RCN2: variants seen among roughly 807,000 people sequenced by gnomAD.
The protein encoded by RCN2 is reticulocalbin-2.
A neutral mutation model predicts 37.5 loss-of-function variants in RCN2; 23 were observed. That is an observed-to-expected ratio of 0.61 (90% confidence interval 0.44 to 0.87). The LOEUF (loss-of-function observed/expected upper bound fraction) is 0.87, where lower values mean the gene tolerates loss of function less well. Among genes scored for constraint, RCN2 ranks in the 40% least tolerant of loss-of-function variants. The pLI, the probability that RCN2 is intolerant of heterozygous loss-of-function variation, is 0.00. For missense variants in RCN2, 381 were observed against 390.4 expected, an observed-to-expected ratio of 0.98 and a Z score of 0.20; for synonymous variants, 140 against 144.6, an observed-to-expected ratio of 0.97 and a Z score of 0.23.
In RCN2 at chr15:76,932,430, A is replaced by G. The variant is rs2075228370; in HGVS notation, c.214A>G (p.Lys72Glu). 1 of 1,611,254 alleles carries G rather than the reference A, an allele frequency of 6.2e-7. No individual in the cohort carries two copies. The highest frequency in any genetic ancestry group is 1.1e-5 in the South Asian group (1 of 90,988). ...QQKRLQAIIK[K>E]IDLDSDGFLT... The stretch of plus-strand genomic sequence containing the variant: ...AAAAAGACTGCAGGCGATCATAAAG[A>G]AAATCGACTTGGACTCAGATGGCTT... Residue 72 changes from lysine (K) to glutamate (E), a missense_variant, in exon 2 of 7, where the codon AAA (lysine) becomes GAA (glutamate). Lys to Glu is a moderately conservative substitution (Grantham distance 56, BLOSUM62 1). Coordinates refer to ENST00000394885, the MANE Select transcript of RCN2 (RefSeq NM_002902.3).
At chr15:76,940,546 CTTTT>C (rs11463370) in intron 3 of RCN2, among the ~76,000 whole-genome samples, 10 of 119,648 alleles carry the variant, frequency 8.4e-5, no homozygotes, top group African/African-American at 2.4e-4. Flanking sequence ...TGAACTTCAC[CTTTT>C]TTTTTTTTTT....
intron 2 of RCN2, among the ~76,000 whole-genome samples, chr15:76,935,289 C>T (rs766484640): frequency 3.5e-4 from 53 of 152,246 alleles, no homozygotes; most frequent in Admixed American, 6.5e-5. Context: ...CACCACTGCA[C>T]ACTCCAGCAT....
intron 4 of RCN2, 109 bp downstream of exon 4, chr15:76,943,980 G>T: frequency 5.7e-5 from 15 of 264,824 alleles, no homozygotes; most frequent in East Asian, 7.2e-5. Flanking sequence ...TGGGATACAT[G>T]AGACTTTTTT....
chr15:76,948,472 A>G lies in RCN2; in HGVS notation c.721A>G (p.Lys241Glu). 6.2e-7 allele frequency: 1 copy of G among 1,610,760 alleles called. No individual in the cohort carries two copies. The change falls in exon 6 of 7, where the codon AAA becomes GAA. Residue 241 changes from lysine (K) to glutamate (E), a missense_variant. Lys to Glu is a moderately conservative substitution (Grantham distance 56). Coordinates refer to ENST00000394885, the MANE Select transcript of RCN2 (RefSeq NM_002902.3). ...AGACAGATTCGTGAATGATTATGAC[A>G]AAGATAACGATGGCAGGCTTGATCC... ...EKDRFVNDYDKDNDGRLDPQE... is the reference protein window; with the variant it reads ...EKDRFVNDYDEDNDGRLDPQE...
At position 76,934,056 on chromosome 15, in the gene RCN2, G is replaced by A. The variant is rs114547525; in HGVS notation, c.251-1470G>A. 5.9e-3 allele frequency among the ~76,000 whole-genome samples: 905 copies of A among 152,212 alleles called. 5 individuals carry two copies. Among genetic ancestry groups the A allele is most frequent in the African/African-American group, 0.021 (867 of 41,524 alleles). ...CATGTACAGAGGAACCTGATAAATG[G>A]TATACTCATGCTGTCCTCACAAATA... On this transcript the variant is annotated intron_variant, in intron 2 of 6. Transcript: ENST00000394885.
chr15:76,938,901 T>G, intron 3 of RCN2: 1 of 410,786 alleles, frequency 2.4e-6, no homozygotes, highest in South Asian at 1.7e-5. Flanking sequence ...GTGTGGTGGC[T>G]CACACCTGTA....
intron 4 of RCN2, 79 bp from the exon 5 acceptor site, chr15:76,947,342 G>C: frequency 1.2e-6 from 1 of 802,752 alleles, no homozygotes; most frequent in Non-Finnish European, 2.0e-6. Context: ...AAGAAGTTCT[G>C]TAGTAGAATT....
Position 76,952,841 on chromosome 15 carries a change from A to T in RCN2, c.*3619A>T, listed in dbSNP as rs535659789. The T allele has an allele frequency of 1.3e-5, 2 of 151,870 alleles. No individual in the cohort carries two copies. The highest frequency in any genetic ancestry group is 3.9e-4 in the East Asian group (2 of 5,164). 9.4% of individuals were successfully genotyped at this position (151,870 alleles called of 1,614,324 possible). ...ACCATGTTGGTCAAGCTGGTCTCGA[A>T]CTCCTGATCTCAGGTGATCCACCTG... is the stretch of plus-strand genomic sequence containing the variant. On this transcript the variant is annotated 3_prime_UTR_variant, in exon 7 of 7. Transcript: ENST00000394885.
chr15:76,953,433 C>G lies in RCN2; in HGVS notation c.*4211C>G, dbSNP rs888549632. ...TTTGATGGACACAGGTTGCTTCCAC[C>G]TTTTATTGTGAATAATGCTGCCATG... is the stretch of plus-strand genomic sequence containing the variant. On this transcript the variant is annotated 3_prime_UTR_variant, in exon 7 of 7. Transcript: ENST00000394885. 1 of 150,038 alleles carries G rather than the reference C, an allele frequency of 6.7e-6. No individual in the cohort carries two copies. The highest frequency in any genetic ancestry group is 6.6e-5 in the Admixed American group (1 of 15,072). The allele number at this position is 150,038 out of a possible 1,614,324, so 9.3% of individuals were successfully genotyped here.
chr15:76,948,781 T>C, intron 6 of RCN2: 1 of 529,692 alleles, frequency 1.9e-6, no homozygotes. Flanking sequence ...GAATAATAGT[T>C]TGTATTTACC....
intron 4 of RCN2, among the ~76,000 whole-genome samples, chr15:76,946,726 T>C (rs1165362332): frequency 6.6e-6 from 1 of 151,914 alleles, no homozygotes; most frequent in Non-Finnish European, 1.5e-5. Context: ...TACTCTAGCC[T>C]GGGCTACAGA....
chr15:76,953,660 T>A lies in RCN2; in HGVS notation c.*4438T>A, dbSNP rs1398613238. The A allele has an allele frequency of 7.9e-6, 1 of 127,076 alleles. No individual in the cohort carries two copies. The highest frequency in any genetic ancestry group is 1.6e-5 in the Non-Finnish European group (1 of 62,894). The allele number at this position is 127,076 out of a possible 1,614,324, so 7.9% of individuals were successfully genotyped here. On this transcript the variant is annotated 3_prime_UTR_variant, in exon 7 of 7. Transcript: ENST00000394885. ...TCTCGCTCTGTCGCCCAGGCTGGAG[T>A]GCAGTGGCGCGATCTCGGCTCACTG...
In RCN2 at chr15:76,950,470, G is replaced by C. The variant is rs938834023; in HGVS notation, c.*1248G>C. ...GGGGCACTATCTCGGCTCACTGCAA[G>C]CTCTGCCTCCTGGGTTCACGCCATT... is the stretch of plus-strand genomic sequence containing the variant. On this transcript the variant is annotated 3_prime_UTR_variant, in exon 7 of 7. Transcript: ENST00000394885. The C allele has an allele frequency of 6.8e-6, 1 of 147,124 alleles. No homozygotes were observed. The highest frequency in any genetic ancestry group is 2.5e-5 in the African/African-American group (1 of 39,590). The allele number at this position is 147,124 out of a possible 1,614,324, so 9.1% of individuals were successfully genotyped here.
intron 2 of RCN2, among the ~76,000 whole-genome samples, chr15:76,934,547 A>G (rs1020099376): frequency 1.3e-5 from 2 of 152,270 alleles, no homozygotes; most frequent in Non-Finnish European, 2.9e-5. Flanking sequence ...CAGGAAGGGC[A>G]TAAATTGCTA....
At chr15:76,943,315 C>G (rs78706622) in intron 3 of RCN2, 1 of 152,910 alleles carries the variant, frequency 6.5e-6, no homozygotes, top group Non-Finnish European at 1.5e-5. Context: ...TACAGGCGTG[C>G]GCCACTATGC....
intron 4 of RCN2, 58 bp from the exon 5 acceptor site, chr15:76,947,363 G>A (rs1347771563): frequency 7.1e-6 from 7 of 986,138 alleles, no homozygotes; most frequent in Non-Finnish European, 1.1e-5. Flanking sequence ...GAATCGGATG[G>A]CAGTGGGACT....
At chr15:76,948,679 T>C in intron 6 of RCN2, 127 bp downstream of exon 6, 1 of 868,162 alleles carries the variant, frequency 1.2e-6, no homozygotes, top group Non-Finnish European at 1.7e-6. Flanking sequence ...ATTGATGCAT[T>C]ACTATGTTTT....
chr15:76,949,142 C>T lies in RCN2; in HGVS notation c.874C>T (p.Pro292Ser). Residue 292 changes from proline (P) to serine (S), a missense_variant, in exon 7 of 7, where the codon CCG becomes TCG. By Grantham distance (74) the Pro-to-Ser change is moderately conservative. Coordinates refer to ENST00000394885, the MANE Select transcript of RCN2 (RefSeq NM_002902.3). The part of the protein sequence containing the change: ...KLSEEEILEN[P>S]DLFLTSEATD... ...CTCTGAAGAAGAGATTCTGGAAAAC[C>T]CGGACTTGTTTCTCACCAGTGAAGC... The T allele has an allele frequency of 6.2e-7, 1 of 1,613,096 alleles. No homozygotes were observed. Among genetic ancestry groups the T allele is most frequent in the South Asian group, 1.1e-5 (1 of 90,946 alleles).
At chr15:76,935,118 T>C (rs2075241399) in intron 2 of RCN2, among the ~76,000 whole-genome samples, 1 of 151,828 alleles carries the variant, frequency 6.6e-6, no homozygotes, top group African/African-American at 2.4e-5. Flanking sequence ...AGGTCAGGAG[T>C]TAGAGACCAG....
Sources: allele counts gnomAD v4.1 joint callset (sites outside exome capture counted in the v4.1 genomes callset), GRCh38; gene constraint gnomAD v4.1.1; transcripts MANE v1.5; gene names NCBI Gene and HGNC (gene_info 2026-07-23, HGNC 2026-07-21).